KIAA0930: variants seen among roughly 807,000 people sequenced by gnomAD.
KIAA0930 encodes uncharacterized protein KIAA0930.
A neutral mutation model predicts 43.9 loss-of-function variants in KIAA0930; 24 were observed. The observed-to-expected ratio is 0.55, with a 90% CI of 0.40 to 0.77. The LOEUF is 0.77. Among genes scored for constraint, KIAA0930 ranks in the 30% least tolerant of loss-of-function variants. KIAA0930 has a pLI of 0.00. For synonymous variants in KIAA0930, 259 were observed against 216.4 expected, an observed-to-expected ratio of 1.20 and a Z score of -1.73; for missense variants, 461 against 574.2, an observed-to-expected ratio of 0.80 and a Z score of 2.02.
intron 8 of KIAA0930, 25 bp downstream of exon 8, chr22:45,199,848 C>A: frequency 2.0e-6 from 3 of 1,531,408 alleles, no homozygotes; most frequent in South Asian, 2.5e-5. Context: ...GCACGGGGAC[C>A]CTAGGGCACG....
chr22:45,210,648 G>A (rs2083684423), intron 2 of KIAA0930, among the ~76,000 whole-genome samples: 1 of 150,988 alleles, frequency 6.6e-6, no homozygotes, highest in African/African-American at 2.4e-5. Flanking sequence ...GACAGGGCGG[G>A]CGTGGCAGCA....
intron 1 of KIAA0930, among the ~76,000 whole-genome samples, chr22:45,213,950 G>C (rs2083715671): frequency 6.6e-6 from 1 of 152,124 alleles, no homozygotes; most frequent in Non-Finnish European, 1.5e-5. Context: ...GCAAGAGGTT[G>C]CAGTGAGCCG....
rs562520733 is a variant in KIAA0930 at position 45,212,612 on chromosome 22, G to A, written c.65-505C>T. ...CCTCCAGCCAGCCAAGGCTGCAAGC[G>A]GGAACCGCAGGGAGACAGCACCCGC... is the stretch of plus-strand genomic sequence containing the variant. On this transcript the variant is annotated intron_variant, in intron 1 of 9. Coordinates refer to ENST00000336156, the MANE Select transcript of KIAA0930 (RefSeq NM_001009880.2). 9.9e-6 allele frequency: 13 copies of A among 1,313,812 alleles called. No individual in the cohort carries two copies. The East Asian group carries it at 1.4e-4, about 14-fold the overall frequency. The allele number at this position is 1,313,812 out of a possible 1,614,324, so 81.4% of individuals were successfully genotyped here. A position where few individuals can be genotyped will look rare whatever the true frequency, so the allele number is the denominator to read the frequency against.
intron 2 of KIAA0930, among the ~76,000 whole-genome samples, chr22:45,209,327 G>A (rs2083671641): frequency 6.7e-6 from 1 of 149,916 alleles, no homozygotes; most frequent in African/African-American, 2.5e-5. Flanking sequence ...GCCAGGGGGG[G>A]TCTCCCCGTC....
chr22:45,204,072 C>A (rs2083614667), intron 5 of KIAA0930, 87 bp from the exon 6 acceptor site: 2 of 1,560,760 alleles, frequency 1.3e-6, no homozygotes, highest in Non-Finnish European at 1.7e-6. Flanking sequence ...GGGAGGGCTG[C>A]TCAGAAAACC....
rs2147730292 is a variant in KIAA0930, at chr22:45,195,658, T to A, written c.*1518A>T. Reference sequence around the variant, plus strand: ...CACCAAGCACGGTCTCAGATTAGGTTATTACAAAGGGCGAGGGGGAGGAGG... The same window carrying A: ...CACCAAGCACGGTCTCAGATTAGGTAATTACAAAGGGCGAGGGGGAGGAGG... On this transcript the variant is annotated 3_prime_UTR_variant, in exon 10 of 10. Coordinates refer to ENST00000336156, the MANE Select transcript of KIAA0930 (RefSeq NM_001009880.2). 1 of 141,362 alleles carries A rather than the reference T, an allele frequency of 7.1e-6. No individual in the cohort carries two copies. Among genetic ancestry groups the A allele is most frequent in the African/African-American group, 2.8e-5 (1 of 35,972 alleles). The allele number at this position is 141,362 out of a possible 1,614,324, so 8.8% of individuals were successfully genotyped here.
intron 1 of KIAA0930, among the ~76,000 whole-genome samples, chr22:45,220,195 G>GC (rs2083759041): frequency 6.6e-6 from 1 of 152,036 alleles, no homozygotes; most frequent in Non-Finnish European, 1.5e-5. Context: ...GCTCACGTCT[G>GC]TAATCCTAGC....
At chr22:45,205,181 G>A in intron 5 of KIAA0930, 36 bp downstream of exon 5, 1 of 1,524,424 alleles carries the variant, frequency 6.6e-7, no homozygotes, top group Non-Finnish European at 9.1e-7. Context: ...TCACGAGAAG[G>A]GGAAGCTAAG....
rs1490094031 is a variant in KIAA0930 at position 45,193,588 on chromosome 22, G to A, written c.*3588C>T. 6.6e-6 allele frequency: 1 copy of A among 152,112 alleles called. No homozygotes were observed. The highest frequency in any genetic ancestry group is 1.5e-5 in the Non-Finnish European group (1 of 68,022). 9.4% of individuals were successfully genotyped at this position (152,112 alleles called of 1,614,324 possible). On this transcript the variant is annotated 3_prime_UTR_variant, in exon 10 of 10. Transcript: ENST00000336156. ...TACCCTTCCTGTGACTCCGTGTAGA[G>A]GGAAGACTAACTCACAGTCCATAAG...
chr22:45,222,951 G>T (rs531481828), intron 1 of KIAA0930, among the ~76,000 whole-genome samples: 10 of 152,290 alleles, frequency 6.6e-5, no homozygotes, highest in African/African-American at 1.9e-4. Flanking sequence ...AGAGGATGTG[G>T]AGAAACAGGG....
chr22:45,228,117 AGGGTTGT>A (rs2083814194), intron 1 of KIAA0930, among the ~76,000 whole-genome samples: 1 of 152,158 alleles, frequency 6.6e-6, no homozygotes, highest in Admixed American at 6.5e-5. Flanking sequence ...CACAGTTCAC[AGGGTTGT>A]GGGATGAGAG....
At chr22:45,214,510 G>A (rs752143305) in intron 1 of KIAA0930, among the ~76,000 whole-genome samples, 2 of 152,196 alleles carry the variant, frequency 1.3e-5, no homozygotes, top group South Asian at 2.1e-4. Context: ...ACGATGTTTC[G>A]GAAAAGGCGG....
intron 2 of KIAA0930, among the ~76,000 whole-genome samples, chr22:45,210,939 G>A (rs1251284643): frequency 6.6e-6 from 1 of 152,150 alleles, no homozygotes; most frequent in East Asian, 1.9e-4. Flanking sequence ...CTCCCCTCTT[G>A]GGGTGCCCTC....
At chr22:45,200,171 G>A (rs1000931411) in intron 7 of KIAA0930, 136 bp from the exon 8 acceptor site, 28 of 828,210 alleles carry the variant, frequency 3.4e-5, no homozygotes, top group Admixed American at 1.5e-4. Context: ...GAGGACCCAG[G>A]CCCAGCCGGC....
At chr22:45,205,118 C>G in intron 5 of KIAA0930, 99 bp downstream of exon 5, 2 of 937,536 alleles carry the variant, frequency 2.1e-6, no homozygotes, top group South Asian at 1.4e-5. Context: ...CTCCAAGCCA[C>G]CCATGCCTTT....
chr22:45,200,161 G>A (rs2083574711), intron 7 of KIAA0930, 126 bp from the exon 8 acceptor site: 1 of 972,342 alleles, frequency 1.0e-6, no homozygotes, highest in African/African-American at 1.7e-5. Context: ...GCTGGCCCAG[G>A]AGGACCCAGG....
At chr22:45,228,481 A>G (rs1004889554) in intron 1 of KIAA0930, among the ~76,000 whole-genome samples, 12 of 152,178 alleles carry the variant, frequency 7.9e-5, no homozygotes, top group African/African-American at 2.2e-4. Flanking sequence ...CCTCAGGCAG[A>G]GATAGAGCAG....
intron 1 of KIAA0930, among the ~76,000 whole-genome samples, chr22:45,227,192 C>T (rs1257931514): frequency 6.6e-6 from 1 of 152,228 alleles, no homozygotes; most frequent in Non-Finnish European, 1.5e-5. Flanking sequence ...CAACGACACA[C>T]CACACAGGAC....
At chr22:45,209,610 C>A (rs2083674751) in intron 2 of KIAA0930, among the ~76,000 whole-genome samples, 2 of 152,168 alleles carry the variant, frequency 1.3e-5, no homozygotes, top group African/African-American at 4.8e-5. Context: ...TCTGCACTCC[C>A]CCCACCACCG....
Sources: allele counts gnomAD v4.1 joint callset (sites outside exome capture counted in the v4.1 genomes callset), GRCh38; gene constraint gnomAD v4.1.1; transcripts MANE v1.5; gene names NCBI Gene and HGNC (gene_info 2026-07-23, HGNC 2026-07-21).